Variants in TTN observed in about 807,000 individuals in gnomAD.
The protein encoded by TTN is connectin.
A neutral mutation model predicts 3,223.0 loss-of-function variants in TTN; 1,525 were observed. The ratio of observed to expected loss-of-function variants is 0.47; its 90% CI spans 0.45 to 0.49. TTN has a LOEUF of 0.49. Ranked by LOEUF, TTN falls within the 20% of genes least tolerant of loss-of-function variation. The pLI is 0.00. For missense variants in TTN, 40,786 were observed against 43,424.0 expected (o/e 0.94, Z 5.40); for synonymous variants, 14,094 against 15,161.0 (o/e 0.93, Z 5.17).
chr2:178,735,074 G>T, intron 50 of TTN, 86 bp from the exon 51 acceptor site: 4 of 1,374,156 alleles, frequency 2.9e-6, no homozygotes, highest in Non-Finnish European at 3.9e-6. Flanking sequence ...ACAACAAAGA[G>T]ACCCAACACA....
In TTN at chr2:178,530,250, T is replaced by G. The variant is rs757588041; in HGVS notation, c.106365A>C (p.Lys35455Asn). 1.3e-6 allele frequency: 2 copies of G among 1,598,374 alleles called. No individual in the cohort carries two copies. Among genetic ancestry groups the G allele is most frequent in the East Asian group, 4.5e-5 (2 of 44,680 alleles). ...TTTAAGAACTGGTTACCTTTCCATC[T>G]TTTGTCCAGATGGCAGTTGGCCGGG... is the stretch of plus-strand genomic sequence containing the variant. Reference protein sequence around the residue: ...GEPRPTAIWTKDGKAITQGGK... With the variant: ...GEPRPTAIWTNDGKAITQGGK... The change falls in exon 358 of 363, where the codon AAA becomes AAC. Residue 35455 changes from lysine (K) to asparagine (N), a missense_variant. Physicochemically the swap from Lys to Asn is moderately conservative, Grantham distance 94. Coordinates refer to ENST00000589042, the MANE Select transcript of TTN (RefSeq NM_001267550.2).
chr2:178,771,270 A>G lies in TTN; in HGVS notation c.8057T>C (p.Ile2686Thr). 1 of 1,614,072 alleles carries G rather than the reference A, an allele frequency of 6.2e-7. No individual in the cohort carries two copies. Among genetic ancestry groups the G allele is most frequent in the Non-Finnish European group, 8.5e-7 (1 of 1,179,990 alleles). ...LIIAATKLDD[I>T]GEYTYKVATS... ...GGCCACCTTGTAGGTATATTCTCCA[A>G]TGTCATCTAATTTGGTGGCAGCAAT... is the stretch of plus-strand genomic sequence containing the variant. The change falls in exon 34 of 363, where the codon ATT becomes ACT. Residue 2686 changes from isoleucine (I) to threonine (T), a missense_variant. Ile to Thr is a moderately conservative substitution (Grantham distance 89). Transcript: ENST00000589042.
chr2:178,652,428 C>G, intron 202 of TTN, 30 bp downstream of exon 202: 2 of 1,612,808 alleles, frequency 1.2e-6, no homozygotes, highest in Non-Finnish European at 8.5e-7. Flanking sequence ...AGAGTTTGAT[C>G]ATCTGAAGCC....
At chr2:178,619,129 G>A (rs1245289900) in intron 250 of TTN, 3 of 470,082 alleles carry the variant, frequency 6.4e-6, no homozygotes, top group African/African-American at 6.1e-5. Context: ...TCAGTGTAGT[G>A]CAAAACATGT....
At position 178,571,810 on chromosome 2, in the gene TTN, T is replaced by G; in HGVS notation, c.74322A>C (p.Thr24774=). 1 of 1,613,544 alleles carries G rather than the reference T, an allele frequency of 6.2e-7. No individual in the cohort carries two copies. Among genetic ancestry groups the G allele is most frequent in the Non-Finnish European group, 8.5e-7 (1 of 1,179,612 alleles). The change falls in exon 326 of 363, where the codon ACA becomes ACC. Residue 24774 remains threonine, a synonymous_variant. Transcript: ENST00000589042. ...CATCTTCTCGGCAGGCGTCCTTTAT[T>G]GTCAGTAGTGAATTATTTTCTGTGC... ...AESTENNSLL[T]IKDACREDVG...
intron 33 of TTN, among the ~76,000 whole-genome samples, chr2:178,772,481 T>C (rs561856203): frequency 1.1e-4 from 16 of 152,340 alleles, no homozygotes; most frequent in African/African-American, 3.8e-4. Context: ...TTATTCTTCA[T>C]TGTAAAGCTA....
At position 178,563,106 on chromosome 2, in the gene TTN, C is replaced by T. The variant is rs1424922146; in HGVS notation, c.83026G>A (p.Glu27676Lys). 1 of 1,613,620 alleles carries T rather than the reference C, an allele frequency of 6.2e-7. No homozygotes were observed. Among genetic ancestry groups the T allele is most frequent in the Admixed American group, 1.7e-5 (1 of 59,978 alleles). The change falls in exon 326 of 363, where the codon GAA becomes AAA. Residue 27676 changes from glutamate to lysine, a missense_variant. Transcript: ENST00000589042. This position sits in a 1 kb window ranked among gnomAD's most constrained non-coding sequence, Gnocchi z 4.5. ...ACCTTTCTGAGATCAGCATCGAGTT[C>T]TATTTCTGGTGGCTCTATCCTCTCC... is the stretch of plus-strand genomic sequence containing the variant. The part of the protein sequence containing the change: ...AQERIEPPEI[E>K]LDADLRKVVV...
chr2:178,790,101 A>G lies in TTN; in HGVS notation c.1815T>C (p.Thr605=), dbSNP rs757604614. The G allele has an allele frequency of 2.6e-5, 42 of 1,612,734 alleles. No homozygotes were observed. In the African/African-American group the frequency reaches 4.4e-4, roughly 17 times the overall value. ...HLSYEKIMKE[T]RKTVVPKVIV... ...TGACTTTAGGTACAACTGTTTTCCT[A>G]GTTTCCTTCATTATCTGATCATACA... Residue 605 remains threonine (T), a synonymous_variant, in exon 12 of 363, where the codon ACT becomes ACC. Transcript: ENST00000589042.
At chr2:178,617,621 TAAGTA>T (rs1045718759) in intron 253 of TTN, 109 bp from the exon 254 acceptor site, 86 of 952,758 alleles carry the variant, frequency 9.0e-5, no homozygotes, top group Non-Finnish European at 1.2e-4. Flanking sequence ...TCAAATTCAC[TAAGTA>T]AAGTAGGCAC....
At chr2:178,754,317 G>T (rs967382102) in intron 46 of TTN, among the ~76,000 whole-genome samples, 5 of 152,030 alleles carry the variant, frequency 3.3e-5, no homozygotes, top group Admixed American at 3.3e-4. Flanking sequence ...AGACAACTGT[G>T]CCTGATCTTT....
chr2:178,677,240 G>A lies in TTN; in HGVS notation c.34339C>T (p.Pro11447Ser). Residue 11447 changes from proline (P) to serine (S), a missense_variant, in exon 147 of 363, where the codon CCC (proline) becomes TCC (serine). Coordinates refer to ENST00000589042, the MANE Select transcript of TTN (RefSeq NM_001267550.2). ...KPVPEKKVPV[P>S]APKKVEPPPP... ...GGAGGTTCCACTTTTTTAGGGGCGG[G>A]AACAGGGACTTTCTTCTCTGGTACA... 2 of 1,221,942 alleles carry A rather than the reference G, an allele frequency of 1.6e-6. No homozygotes were observed. The highest frequency in any genetic ancestry group is 2.0e-6 in the Non-Finnish European group (2 of 982,628). The allele number at this position is 1,221,942 out of a possible 1,614,324, so 75.7% of individuals were successfully genotyped here.
chr2:178,725,331 T>C, intron 71 of TTN, 37 bp downstream of exon 71: 1 of 1,434,374 alleles, frequency 7.0e-7, no homozygotes, highest in East Asian at 2.5e-5. Flanking sequence ...CATTCCAGCA[T>C]TTGGCACCAG....
chr2:178,620,706 ATTAC>A lies in TTN; in HGVS notation c.45895+5_45895+8del, dbSNP rs2058136506. The A allele has an allele frequency of 3.1e-6, 5 of 1,611,440 alleles. No homozygotes were observed. The highest frequency in any genetic ancestry group is 4.2e-6 in the Non-Finnish European group (5 of 1,178,834). ...TGAAAAAATCTCTAGTGGTATATAA[ATTAC>A]TTACCTTCTACTATTAGATTGGCTG... On this transcript the variant is annotated splice_donor_5th_base_variant and intron_variant, in intron 247 of 362. Coordinates refer to ENST00000589042, the MANE Select transcript of TTN (RefSeq NM_001267550.2).
Position 178,557,470 on chromosome 2 carries a change from A to C in TTN, c.87792T>G (p.Asn29264Lys). ...ITVGWHEPVS[N>K]GGSAVVGYHL... ...GATAGCCTACGACTGCACTGCCTCC[A>C]TTTGACACTGGTTCATGCCAGCCCA... Residue 29264 changes from asparagine to lysine, a missense_variant, in exon 329 of 363, where the codon AAT becomes AAG. Coordinates refer to ENST00000589042, the MANE Select transcript of TTN (RefSeq NM_001267550.2). 1 of 1,613,908 alleles carries C rather than the reference A, an allele frequency of 6.2e-7. No individual in the cohort carries two copies. Among genetic ancestry groups the C allele is most frequent in the Non-Finnish European group, 8.5e-7 (1 of 1,179,858 alleles).
In TTN at chr2:178,775,543, G is replaced by A. The variant is rs766245195; in HGVS notation, c.6321C>T (p.Pro2107=). Residue 2107 remains proline, a synonymous_variant, in exon 28 of 363, where the codon CCC becomes CCT. Coordinates refer to ENST00000589042, the MANE Select transcript of TTN (RefSeq NM_001267550.2). ...CACCATTTTTGTACCATTCACATTC[G>A]GGGTCTGGTTTCCCCACGACTCTGA... ...FRVRVVGKPD[P]ECEWYKNGVK... The A allele has an allele frequency of 2.5e-6, 4 of 1,613,898 alleles. No homozygotes were observed. Among genetic ancestry groups the A allele is most frequent in the Non-Finnish European group, 1.7e-6 (2 of 1,179,944 alleles).
intron 157 of TTN, 30 bp from the exon 158 acceptor site, chr2:178,669,705 T>G: frequency 6.2e-7 from 1 of 1,603,760 alleles, no homozygotes; most frequent in Non-Finnish European, 8.5e-7. Flanking sequence ...TCTTATTTTT[T>G]CAGAACATTA....
In TTN at chr2:178,567,609, G is replaced by A; in HGVS notation, c.78523C>T (p.Pro26175Ser). 1 of 1,611,970 alleles carries A rather than the reference G, an allele frequency of 6.2e-7. No homozygotes were observed. The highest frequency in any genetic ancestry group is 8.5e-7 in the Non-Finnish European group (1 of 1,178,666). ...AKNAAGAISK[P>S]SDSTGPITAK... ...GTTATTGGTCCAGTACTGTCAGAGGGTTTACTTATTGCACCAGCTGCATTC... is the reference window on the plus strand; with the variant it reads ...GTTATTGGTCCAGTACTGTCAGAGGATTTACTTATTGCACCAGCTGCATTC... Residue 26175 changes from proline to serine, a missense_variant, in exon 326 of 363, where the codon CCC becomes TCC. Coordinates refer to ENST00000589042, the MANE Select transcript of TTN (RefSeq NM_001267550.2).
At chr2:178,717,038 A>G (rs1160335975) in intron 88 of TTN, 57 bp downstream of exon 88, 29 of 1,537,600 alleles carry the variant, frequency 1.9e-5, no homozygotes, top group Non-Finnish European at 2.5e-5. Context: ...CCACCCTCCT[A>G]TATTTTAAGA....
chr2:178,618,078 A>C lies in TTN; in HGVS notation c.47273T>G (p.Val15758Gly), dbSNP rs913074596. The C allele has an allele frequency of 6.2e-7, 1 of 1,611,940 alleles. No homozygotes were observed. The highest frequency in any genetic ancestry group is 1.7e-5 in the Admixed American group (1 of 59,784). Reference sequence around the variant, plus strand: ...GGTTACATTCAAAGGAGGGCCTGGAACATCTGGATTTCACCACAGAAGAAG... The same window carrying C: ...GGTTACATTCAAAGGAGGGCCTGGACCATCTGGATTTCACCACAGAAGAAG... The part of the protein sequence containing the change: ...NPVEARSKYD[V>G]PGPPLNVTIT... Residue 15758 changes from valine (V) to glycine (G), a missense_variant, in exon 253 of 363, where the codon GTT becomes GGT. Val to Gly is a moderately radical substitution (Grantham distance 109). Transcript: ENST00000589042.
Sources: allele counts gnomAD v4.1 joint callset (sites outside exome capture counted in the v4.1 genomes callset), GRCh38; gene constraint gnomAD v4.1.1; non-coding constraint Gnocchi (gnomAD v3.1); transcripts MANE v1.5; gene names NCBI Gene and HGNC (gene_info 2026-07-23, HGNC 2026-07-21).